CALN1: variants seen among roughly 807,000 people sequenced by gnomAD.
The protein encoded by CALN1 is calneuron 1.
A neutral mutation model predicts 30.6 loss-of-function variants in CALN1; 17 were observed. The observed-to-expected ratio is 0.56, with a 90% CI of 0.38 to 0.83. The LOEUF is 0.83. Ranked by LOEUF, CALN1 falls within the 40% of genes least tolerant of loss-of-function variation. The pLI is 0.00. For synonymous variants in CALN1, 156 were observed against 131.4 expected (o/e 1.19, Z -1.28); for missense variants, 291 against 354.9 (o/e 0.82, Z 1.45).
At chr7:72,375,433 T>C (rs1269637984) in intron 2 of CALN1, among the ~76,000 whole-genome samples, 1 of 151,730 alleles carries the variant, frequency 6.6e-6, no homozygotes, top group Non-Finnish European at 1.5e-5. Context: ...AGTGTGGTGG[T>C]GCACACCTGT....
chr7:72,194,331 G>A (rs909085033), intron 3 of CALN1, among the ~76,000 whole-genome samples: 17 of 152,142 alleles, frequency 1.1e-4, no homozygotes, highest in Admixed American at 4.6e-4. Flanking sequence ...GGAGTTGGGA[G>A]GTCAGCCTGG....
At position 71,827,228 on chromosome 7, in the gene CALN1, C is replaced by T. The variant is rs557826016; in HGVS notation, c.502-16736G>A. 2.0e-4 allele frequency among the ~76,000 whole-genome samples: 31 copies of T among 152,256 alleles called. No homozygotes were observed. In the South Asian group the frequency reaches 2.9e-3, roughly 14 times the overall value. On this transcript the variant is annotated intron_variant, in intron 5 of 6. Transcript: ENST00000395275. ...GAGCTAAGCCCATTGGTGGGTCCTC[C>T]GGCGGCAAATCTGAGAAGGGATGGC... is the stretch of plus-strand genomic sequence containing the variant.
intron 1 of CALN1, among the ~76,000 whole-genome samples, chr7:72,407,715 G>A (rs1016788834): frequency 6.6e-6 from 1 of 152,154 alleles, no homozygotes; most frequent in South Asian, 2.1e-4. Flanking sequence ...GAGCAGTGCA[G>A]TAACAGACTA....
At chr7:71,843,209 T>C (rs1790038284) in intron 5 of CALN1, among the ~76,000 whole-genome samples, 2 of 152,282 alleles carry the variant, frequency 1.3e-5, no homozygotes, top group East Asian at 3.9e-4. Flanking sequence ...TTCCTATGCT[T>C]CCTGAAGACC....
intron 3 of CALN1, among the ~76,000 whole-genome samples, chr7:72,206,898 T>A (rs1791925623): frequency 6.6e-6 from 1 of 152,156 alleles, no homozygotes; most frequent in Non-Finnish European, 1.5e-5. Context: ...AACATGGGAA[T>A]CTCATTGAAT....
At chr7:71,949,293 G>A (rs1796568946) in intron 5 of CALN1, among the ~76,000 whole-genome samples, 1 of 152,002 alleles carries the variant, frequency 6.6e-6, no homozygotes, top group South Asian at 2.1e-4. Flanking sequence ...ATTTACAAAG[G>A]GTGTACGTCG....
intron 3 of CALN1, among the ~76,000 whole-genome samples, chr7:72,220,494 AATAAACATACGTGTGC>A (rs1429119788): frequency 6.6e-6 from 1 of 151,858 alleles, no homozygotes; most frequent in African/African-American, 2.4e-5. Flanking sequence ...ATAGTGCTGC[AATAAACATACGTGTGC>A]ATGTGTCTTT....
At chr7:72,100,682 T>TGGTGGCG (rs1806588856) in intron 4 of CALN1, among the ~76,000 whole-genome samples, 1 of 151,344 alleles carries the variant, frequency 6.6e-6, no homozygotes, top group Non-Finnish European at 1.5e-5. Flanking sequence ...TAGCCGGGCG[T>TGGTGGCG]GGTGGCGGGT....
At chr7:72,333,248 C>T (rs1275116227) in intron 2 of CALN1, among the ~76,000 whole-genome samples, 1 of 152,234 alleles carries the variant, frequency 6.6e-6, no homozygotes, top group Non-Finnish European at 1.5e-5. Context: ...AATGTTCAAC[C>T]CTAACACATG....
At chr7:72,069,105 G>A (rs1804219783) in intron 4 of CALN1, among the ~76,000 whole-genome samples, 1 of 152,204 alleles carries the variant, frequency 6.6e-6, no homozygotes, top group Non-Finnish European at 1.5e-5. Flanking sequence ...GCAGATGCCA[G>A]TGCACACAGA....
chr7:71,836,026 T>A (rs1447437388), intron 5 of CALN1, among the ~76,000 whole-genome samples: 1 of 152,186 alleles, frequency 6.6e-6, no homozygotes, highest in Non-Finnish European at 1.5e-5. Context: ...GCAGAGGCAA[T>A]CGGTCATGAC....
At chr7:72,348,826 G>A (rs1187287254) in intron 2 of CALN1, among the ~76,000 whole-genome samples, 1 of 152,130 alleles carries the variant, frequency 6.6e-6, no homozygotes. Context: ...CCAATGCCTA[G>A]CAAAGAAACT....
intron 5 of CALN1, among the ~76,000 whole-genome samples, chr7:71,817,611 G>C (rs943093158): frequency 6.6e-6 from 1 of 152,180 alleles, no homozygotes; most frequent in African/African-American, 2.4e-5. Context: ...TGCCTCCCAG[G>C]TTCAAGTGGT....
intron 2 of CALN1, among the ~76,000 whole-genome samples, chr7:72,303,866 T>C (rs1256923118): frequency 1.3e-5 from 2 of 152,158 alleles, no homozygotes; most frequent in Non-Finnish European, 2.9e-5. Flanking sequence ...AGAGCAAGAC[T>C]CTGTCTCGAG....
chr7:72,424,660 G>T (rs2129563790), intron 1 of CALN1, among the ~76,000 whole-genome samples: 1 of 152,080 alleles, frequency 6.6e-6, no homozygotes, highest in South Asian at 2.1e-4. Context: ...GCAGTGGCGT[G>T]ATCATAGCTC....
At chr7:72,080,868 C>T (rs967659155) in intron 4 of CALN1, among the ~76,000 whole-genome samples, 2 of 152,012 alleles carry the variant, frequency 1.3e-5, no homozygotes, top group African/African-American at 4.8e-5. Context: ...TGTTAGTGTG[C>T]GTATTACAGA....
chr7:72,177,703 T>C (rs528868501), intron 3 of CALN1, among the ~76,000 whole-genome samples: 1 of 143,906 alleles, frequency 6.9e-6, no homozygotes, highest in East Asian at 2.0e-4. Context: ...AGGCAGAAGC[T>C]GCAGTGAGCT....
intron 2 of CALN1, among the ~76,000 whole-genome samples, chr7:72,326,147 C>T (rs539545542): frequency 1.3e-5 from 2 of 152,338 alleles, no homozygotes; most frequent in South Asian, 4.1e-4. Context: ...CCGAGGTCCG[C>T]CTGCCTGGGC....
intron 2 of CALN1, among the ~76,000 whole-genome samples, chr7:72,398,993 G>T (rs974917790): frequency 6.6e-6 from 1 of 152,104 alleles, no homozygotes; most frequent in East Asian, 1.9e-4. Context: ...ACCTTGACAG[G>T]CTAGAAAAAA....
Sources: gnomAD v4.1 joint callset for allele counts (sites outside exome capture counted in the v4.1 genomes callset) on GRCh38, gnomAD v4.1.1 for gene constraint, MANE v1.5 for transcripts, NCBI Gene and HGNC (gene_info 2026-07-23, HGNC 2026-07-21) for gene names.